Variants in MBD2 observed in about 807,000 individuals in gnomAD.
The protein encoded by MBD2 is methyl-CpG-binding domain protein 2.
A neutral mutation model predicts 39.3 loss-of-function variants in MBD2; 9 were observed. The observed-to-expected ratio is 0.23, with a 90% confidence interval of 0.14 to 0.40. The LOEUF (loss-of-function observed/expected upper bound fraction) is 0.40. MBD2 is among the 10% of genes least tolerant of loss of function. The pLI is 1.00. For synonymous variants in MBD2, 233 were observed against 211.1 expected, an observed-to-expected ratio of 1.10 and a Z score of -0.90; for missense variants, 458 against 532.6, an observed-to-expected ratio of 0.86 and a Z score of 1.38.
intron 1 of MBD2, 30 bp downstream of exon 1, chr18:54,223,988 G>A (rs891799297): frequency 4.4e-6 from 2 of 453,006 alleles, no homozygotes; most frequent in African/African-American, 3.1e-5. Flanking sequence ...GCCTGACCCC[G>A]CCACCCCCTC....
chr18:54,218,484 T>C (rs1395462183), intron 1 of MBD2, among the ~76,000 whole-genome samples: 1 of 152,212 alleles, frequency 6.6e-6, no homozygotes, highest in African/African-American at 2.4e-5. Flanking sequence ...TATTTGAGAA[T>C]ACAAGTAGGG....
chr18:54,162,447 G>A (rs2086104072), intron 5 of MBD2, among the ~76,000 whole-genome samples: 1 of 152,162 alleles, frequency 6.6e-6, no homozygotes, highest in African/African-American at 2.4e-5. Context: ...TCAACAAGGA[G>A]TATTTTCTTC....
At chr18:54,218,069 T>TA (rs2086576412) in intron 1 of MBD2, among the ~76,000 whole-genome samples, 1 of 152,238 alleles carries the variant, frequency 6.6e-6, no homozygotes, top group African/African-American at 2.4e-5. Context: ...ATTATGCAAT[T>TA]AAGCTCTTAA....
In MBD2 at chr18:54,189,258, C is replaced by G. The variant is rs571902360; in HGVS notation, c.703-247G>C. The stretch of plus-strand genomic sequence containing the variant: ...TTTTTTTTTGAGACGGAGTCTCACT[C>G]TGTCGCCCAGGCTGGAGTGCAGTGG... On this transcript the variant is annotated intron_variant, in intron 2 of 6. Transcript: ENST00000256429. Among the ~76,000 whole-genome samples the G allele has an allele frequency of 6.5e-3, 920 of 141,822 alleles. 6 individuals carry two copies. Among genetic ancestry groups the G allele is most frequent in the Non-Finnish European group, 0.011 (722 of 66,286 alleles). 93.0% of individuals were successfully genotyped at this position (141,822 alleles called of 152,430 possible). A position where few individuals can be genotyped will look rare whatever the true frequency, so the allele number is the denominator to read the frequency against.
intron 2 of MBD2, chr18:54,202,642 G>T: frequency 1.1e-6 from 1 of 889,734 alleles, no homozygotes; most frequent in Non-Finnish European, 1.4e-6. Flanking sequence ...AAGGCAGAAA[G>T]CTTCAGAAAA....
At chr18:54,188,754 C>T (rs2086300162) in intron 3 of MBD2, 120 bp downstream of exon 3, 1 of 1,049,118 alleles carries the variant, frequency 9.5e-7, no homozygotes, top group East Asian at 2.4e-5. Flanking sequence ...TAGCCTAGGA[C>T]ATAAAATAAT....
At position 54,224,424 on chromosome 18, in the gene MBD2, C is replaced by A; in HGVS notation, c.136G>T (p.Val46Leu). 8.0e-7 allele frequency: 1 copy of A among 1,244,004 alleles called. No homozygotes were observed. The highest frequency in any genetic ancestry group is 1.0e-6 in the Non-Finnish European group (1 of 997,024). The allele number at this position is 1,244,004 out of a possible 1,614,324, so 77.1% of individuals were successfully genotyped here. A position where few individuals can be genotyped will look rare whatever the true frequency, so the allele number is the denominator to read the frequency against. ...GCGCCTTCCCTGCGCACGCCGCTCA[C>A]CGGGGACGGGGCGAGCGCGCTGCCC... ...GQGSALAPSP[V>L]SGVRREGARG... The change falls in exon 1 of 7, where the codon GTG (valine) becomes TTG (leucine). Residue 46 changes from valine to leucine, a missense_variant. By Grantham distance (32) the Val-to-Leu change is conservative. Coordinates refer to ENST00000256429, the MANE Select transcript of MBD2 (RefSeq NM_003927.5).
intron 3 of MBD2, among the ~76,000 whole-genome samples, chr18:54,178,927 G>GA (rs1321028035): frequency 1.3e-5 from 2 of 151,964 alleles, no homozygotes; most frequent in Admixed American, 6.6e-5. Flanking sequence ...AAAATCACAT[G>GA]AAAAAAACTA....
rs938443845 is a variant in MBD2 at position 54,168,502 on chromosome 18, T to C, written c.841-2336A>G. On this transcript the variant is annotated intron_variant, in intron 3 of 6. Coordinates refer to ENST00000256429, the MANE Select transcript of MBD2 (RefSeq NM_003927.5). ...TAAGATTTTGCGTATGCTCTTTCAA[T>C]AGTAAAAGCACCATTTCCAGAGTCC... 3.3e-5 allele frequency among the ~76,000 whole-genome samples: 5 copies of C among 149,720 alleles called. No homozygotes were observed. The East Asian group carries it at 7.8e-4, about 23-fold the overall frequency.
intron 3 of MBD2, among the ~76,000 whole-genome samples, chr18:54,177,930 C>G (rs1378315830): frequency 6.8e-6 from 1 of 146,604 alleles, no homozygotes; most frequent in African/African-American, 2.5e-5. Context: ...ACCTGCAACT[C>G]CGGGGCTCAA....
intron 2 of MBD2, among the ~76,000 whole-genome samples, chr18:54,195,117 A>G (rs1039791726): frequency 3.3e-5 from 5 of 151,994 alleles, no homozygotes; most frequent in African/African-American, 1.2e-4. Flanking sequence ...GAATTTAAAG[A>G]TATCGAAATG....
intron 1 of MBD2, among the ~76,000 whole-genome samples, chr18:54,221,750 C>CA (rs773719175): frequency 1.3e-4 from 20 of 152,170 alleles, no homozygotes; most frequent in Non-Finnish European, 2.5e-4. Context: ...GCCTGGGCGA[C>CA]AGAGCTAGAC....
At chr18:54,212,953 G>A (rs1393495110) in intron 1 of MBD2, among the ~76,000 whole-genome samples, 1 of 151,206 alleles carries the variant, frequency 6.6e-6, no homozygotes, top group Non-Finnish European at 1.5e-5. Flanking sequence ...GATTGCTTGA[G>A]CCTGGGAGGT....
chr18:54,194,162 A>G (rs915218032), intron 2 of MBD2, among the ~76,000 whole-genome samples: 4 of 152,150 alleles, frequency 2.6e-5, no homozygotes, highest in African/African-American at 7.2e-5. Context: ...AAAGTCAGCA[A>G]GAATATTTCA....
At chr18:54,176,192 T>G (rs969762870) in intron 3 of MBD2, among the ~76,000 whole-genome samples, 2 of 152,246 alleles carry the variant, frequency 1.3e-5, no homozygotes, top group Non-Finnish European at 2.9e-5. Context: ...GAGGACAGGG[T>G]GATAGAAAGC....
At chr18:54,223,882 C>T (rs1333088449) in intron 1 of MBD2, 136 bp downstream of exon 1, 4 of 684,390 alleles carry the variant, frequency 5.8e-6, no homozygotes, top group Non-Finnish European at 9.2e-6. Flanking sequence ...AAGGGTTCCG[C>T]CACCTTCCAC....
chr18:54,209,292 A>C (rs1202811281), intron 1 of MBD2, among the ~76,000 whole-genome samples: 1 of 120,026 alleles, frequency 8.3e-6, no homozygotes, highest in Non-Finnish European at 1.7e-5. Flanking sequence ...GTGAGACTCC[A>C]TCTCCAAAAA....
chr18:54,170,490 G>T (rs995762922), intron 3 of MBD2, among the ~76,000 whole-genome samples: 1 of 152,104 alleles, frequency 6.6e-6, no homozygotes. Context: ...TGATAATGTT[G>T]ATTATTATTT....
chr18:54,198,978 A>G (rs1187898221), intron 2 of MBD2, among the ~76,000 whole-genome samples: 1 of 152,244 alleles, frequency 6.6e-6, no homozygotes, highest in Non-Finnish European at 1.5e-5. Flanking sequence ...GTATGTGTAC[A>G]TGTTTGTAAA....
Sources: allele counts gnomAD v4.1 joint callset (sites outside exome capture counted in the v4.1 genomes callset), GRCh38; gene constraint gnomAD v4.1.1; transcripts MANE v1.5; gene names NCBI Gene and HGNC (gene_info 2026-07-23, HGNC 2026-07-21).